Variants in TP63 observed in about 807,000 individuals in gnomAD.
The protein encoded by TP63 is tumor protein 63.
Under a neutral mutation model 82.8 loss-of-function variants are expected in TP63, and 17 were observed. The observed-to-expected ratio is 0.21, with a 90% CI of 0.14 to 0.31. The LOEUF (loss-of-function observed/expected upper bound fraction) is 0.31. TP63 is among the 10% of genes least tolerant of loss of function. TP63 has a pLI of 1.00. For missense variants in TP63, 648 were observed against 895.3 expected, an observed-to-expected ratio of 0.72 and a Z score of 3.52; for synonymous variants, 330 against 321.7, an observed-to-expected ratio of 1.03 and a Z score of -0.28.
rs1259323620 is a variant in TP63 at position 189,803,383 on chromosome 3, T to G, written c.325-4889T>G. ...ATTATAGGTAAATACCTATTTCTATTGCATTGGTCAAATAGCTTCATTGGA... is the reference window on the plus strand; with the variant it reads ...ATTATAGGTAAATACCTATTTCTATGGCATTGGTCAAATAGCTTCATTGGA... On this transcript the variant is annotated intron_variant, in intron 3 of 13. Transcript: ENST00000264731. Among the ~76,000 whole-genome samples the G allele has an allele frequency of 2.6e-5, 4 of 152,370 alleles. No homozygotes were observed. In the East Asian group the frequency reaches 7.7e-4, roughly 29 times the overall value.
intron 4 of TP63, among the ~76,000 whole-genome samples, chr3:189,815,070 G>A (rs959428823): frequency 6.6e-6 from 1 of 150,930 alleles, no homozygotes; most frequent in Non-Finnish European, 1.5e-5. Flanking sequence ...TCCTCTTCCC[G>A]CATTTCTTCT....
intron 1 of TP63, among the ~76,000 whole-genome samples, chr3:189,698,261 T>G (rs1431711884): frequency 1.3e-5 from 2 of 152,110 alleles, no homozygotes; most frequent in African/African-American, 4.8e-5. Flanking sequence ...TGTTGTCAAA[T>G]GATTTTTTTT....
chr3:189,782,322 G>A (rs1724289743), intron 3 of TP63, among the ~76,000 whole-genome samples: 1 of 152,118 alleles, frequency 6.6e-6, no homozygotes, highest in Admixed American at 6.6e-5. Context: ...CGAAGCCCAG[G>A]TTTCCTGATG....
At chr3:189,725,828 G>A (rs1159751753) in intron 1 of TP63, among the ~76,000 whole-genome samples, 2 of 152,162 alleles carry the variant, frequency 1.3e-5, no homozygotes, top group African/African-American at 2.4e-5. Context: ...GGCTGAGGTG[G>A]GCAGATCATG....
chr3:189,695,636 C>A (rs991911698), intron 1 of TP63, among the ~76,000 whole-genome samples: 1 of 152,192 alleles, frequency 6.6e-6, no homozygotes, highest in Non-Finnish European at 1.5e-5. Flanking sequence ...CTATGTGGAA[C>A]TAGCTGTACC....
chr3:189,827,781 C>A (rs1711633106), intron 4 of TP63, among the ~76,000 whole-genome samples: 1 of 152,158 alleles, frequency 6.6e-6, no homozygotes, highest in African/African-American at 2.4e-5. Context: ...TGAATACCAC[C>A]CTAAGGAGTT....
intron 4 of TP63, among the ~76,000 whole-genome samples, chr3:189,848,753 T>G (rs1715259060): frequency 1.3e-5 from 2 of 152,212 alleles, no homozygotes; most frequent in Admixed American, 1.3e-4. Context: ...TGTGCAACCT[T>G]TAGAAATCAT....
chr3:189,790,067 G>C (rs1359037988), intron 3 of TP63, among the ~76,000 whole-genome samples: 4 of 151,326 alleles, frequency 2.6e-5, no homozygotes, highest in Non-Finnish European at 5.9e-5. Flanking sequence ...AAGAAAATCT[G>C]GGTGACATTA....
chr3:189,746,179 G>A (rs922880277), intron 3 of TP63, among the ~76,000 whole-genome samples: 3 of 151,736 alleles, frequency 2.0e-5, no homozygotes, highest in African/African-American at 7.3e-5. Context: ...TAAAAGTTTT[G>A]TCACTTATAA....
At chr3:189,751,787 G>A (rs1721840596) in intron 3 of TP63, among the ~76,000 whole-genome samples, 1 of 152,092 alleles carries the variant, frequency 6.6e-6, no homozygotes, top group African/African-American at 2.4e-5. Context: ...TCTCTCTGAT[G>A]ATAGTTTCTT....
At chr3:189,738,901 CTA>C in intron 3 of TP63, 127 bp downstream of exon 3, 2 of 1,376,294 alleles carry the variant, frequency 1.5e-6, no homozygotes, top group Admixed American at 2.0e-5. Flanking sequence ...GGAAGAGAGT[CTA>C]TGTTGTTAGC....
intron 1 of TP63, among the ~76,000 whole-genome samples, chr3:189,662,112 GGTTA>G (rs1713937160): frequency 6.6e-6 from 1 of 151,750 alleles, no homozygotes; most frequent in South Asian, 2.1e-4. Context: ...CTAATTTTGG[GGTTA>G]GTTTGTTTTT....
intron 3 of TP63, among the ~76,000 whole-genome samples, chr3:189,740,788 C>T (rs544627286): frequency 6.6e-6 from 1 of 152,116 alleles, no homozygotes; most frequent in Non-Finnish European, 1.5e-5. Flanking sequence ...GCATGAGCCA[C>T]CACACCTGTT....
intron 13 of TP63, among the ~76,000 whole-genome samples, chr3:189,891,264 C>G (rs1720990445): frequency 6.6e-6 from 1 of 152,180 alleles, no homozygotes; most frequent in Non-Finnish European, 1.5e-5. Flanking sequence ...ACCGGTGGTG[C>G]TATTCTCTTA....
In TP63 at chr3:189,690,300, G is replaced by C. The variant is rs77121526; in HGVS notation, c.63-47440G>C. 5.1e-3 allele frequency among the ~76,000 whole-genome samples: 772 copies of C among 152,214 alleles called. 8 individuals carry two copies. The highest frequency in any genetic ancestry group is 0.018 in the African/African-American group (746 of 41,536). ...TCTGCACATCTCCATCTCTTCTCAG[G>C]CTGATGGGGTCCAGGCTCTTTAGGA... On this transcript the variant is annotated intron_variant, in intron 1 of 13. Coordinates refer to ENST00000264731, the MANE Select transcript of TP63 (RefSeq NM_003722.5).
At chr3:189,844,699 G>A (rs1161000833) in intron 4 of TP63, among the ~76,000 whole-genome samples, 1 of 152,128 alleles carries the variant, frequency 6.6e-6, no homozygotes, top group East Asian at 1.9e-4. Context: ...TATATAATTA[G>A]CCCATATAAC....
chr3:189,877,472 A>G (rs1719366627), intron 10 of TP63, among the ~76,000 whole-genome samples: 1 of 152,210 alleles, frequency 6.6e-6, no homozygotes, highest in African/African-American at 2.4e-5. Context: ...CGAGGCTGAC[A>G]TCACTTTGTT....
intron 1 of TP63, among the ~76,000 whole-genome samples, chr3:189,681,949 T>C (rs1715943920): frequency 6.6e-6 from 1 of 152,076 alleles, no homozygotes; most frequent in Non-Finnish European, 1.5e-5. Context: ...AACTATATTG[T>C]CAGCTGAGCA....
intron 3 of TP63, among the ~76,000 whole-genome samples, chr3:189,790,721 G>A (rs1405158963): frequency 6.6e-6 from 1 of 152,076 alleles, no homozygotes; most frequent in Non-Finnish European, 1.5e-5. Context: ...GTTGTGGTGG[G>A]GAGTGTTGTG....
Sources: gnomAD v4.1 joint callset for allele counts (sites outside exome capture counted in the v4.1 genomes callset) on GRCh38, gnomAD v4.1.1 for gene constraint, MANE v1.5 for transcripts, NCBI Gene and HGNC (gene_info 2026-07-23, HGNC 2026-07-21) for gene names.